Variants in ATP8B4 observed in about 807,000 individuals in gnomAD.
ATP8B4 encodes the protein probable phospholipid-transporting ATPase IM.
In ATP8B4, 133 loss-of-function variants were observed where a neutral mutation model predicts 145.6. That is an observed-to-expected ratio of 0.91 (90% confidence interval 0.79 to 1.05). The LOEUF (loss-of-function observed/expected upper bound fraction) is 1.05. ATP8B4 is among the 50% of genes least tolerant of loss of function. ATP8B4 has a pLI of 0.00. For missense variants in ATP8B4, 1,458 were observed against 1,425.2 expected (o/e 1.02, Z -0.37); for synonymous variants, 507 against 492.9 (o/e 1.03, Z -0.38).
intron 1 of ATP8B4, among the ~76,000 whole-genome samples, chr15:50,170,652 A>T (rs2044658296): frequency 6.6e-6 from 1 of 152,140 alleles, no homozygotes; most frequent in Non-Finnish European, 1.5e-5. Flanking sequence ...AAAACAAAAA[A>T]AAACAAAGTA....
At chr15:49,940,183 G>A (rs1222614703) in intron 14 of ATP8B4, among the ~76,000 whole-genome samples, 1 of 152,032 alleles carries the variant, frequency 6.6e-6, no homozygotes, top group Non-Finnish European at 1.5e-5. Flanking sequence ...AAGAAAATGT[G>A]GTACATACAC....
chr15:50,106,792 T>C (rs890314419), intron 2 of ATP8B4, 147 bp downstream of exon 2: 1 of 670,540 alleles, frequency 1.5e-6, no homozygotes. Context: ...CCCTTTGTAG[T>C]TACATGGGTG....
intron 16 of ATP8B4, among the ~76,000 whole-genome samples, chr15:49,927,470 T>C (rs2040833087): frequency 6.6e-6 from 1 of 152,098 alleles, no homozygotes; most frequent in Non-Finnish European, 1.5e-5. Flanking sequence ...TTTTCTGCCC[T>C]GGTAGAGTCC....
intron 8 of ATP8B4, among the ~76,000 whole-genome samples, chr15:49,997,438 C>G (rs1402775653): frequency 5.9e-5 from 9 of 152,116 alleles, no homozygotes; most frequent in Admixed American, 5.9e-4. Flanking sequence ...AGTTTTCTCA[C>G]TGAATTCAGC....
chr15:49,868,397 A>T (rs1194169340), intron 25 of ATP8B4, among the ~76,000 whole-genome samples: 1 of 152,244 alleles, frequency 6.6e-6, no homozygotes, highest in Admixed American at 6.5e-5. Flanking sequence ...AAAGTATAAC[A>T]TCTCAATATC....
At position 50,074,131 on chromosome 15, in the gene ATP8B4, T is replaced by C. The variant is rs754011721; in HGVS notation, c.83A>G (p.Tyr28Cys). The C allele has an allele frequency of 1.9e-6, 3 of 1,612,558 alleles. No individual in the cohort carries two copies. Among genetic ancestry groups the C allele is most frequent in the Admixed American group, 1.7e-5 (1 of 59,906 alleles). Residue 28 changes from tyrosine to cysteine, a missense_variant, in exon 3 of 28, where the codon TAT becomes TGT. Tyr to Cys is a radical substitution (Grantham distance 194). Transcript: ENST00000284509. ...TGTTATGTGTGTTTCACTTACCGCA[T>C]ACTGGAACTTTTCATTATATTCACG... ...NDREYNEKFQ[Y>C]ADNRIHTSKY... is the part of the protein sequence containing the mutation.
intron 12 of ATP8B4, among the ~76,000 whole-genome samples, chr15:49,973,935 G>A (rs1006871690): frequency 6.6e-6 from 1 of 151,824 alleles, no homozygotes; most frequent in East Asian, 1.9e-4. Flanking sequence ...ATTTCTTCTT[G>A]GAACTATCTA....
chr15:50,034,504 T>TG (rs569562907), intron 6 of ATP8B4, among the ~76,000 whole-genome samples: 38 of 152,280 alleles, frequency 2.5e-4, no homozygotes, highest in African/African-American at 9.1e-4. Flanking sequence ...GCTGGGTTTA[T>TG]GGGCATGAGC....
intron 5 of ATP8B4, among the ~76,000 whole-genome samples, chr15:50,040,670 G>A (rs916876423): frequency 3.3e-5 from 5 of 152,172 alleles, no homozygotes; most frequent in African/African-American, 9.6e-5. Flanking sequence ...CCCAAAAGCT[G>A]AGCAGCTCAC....
chr15:49,875,162 A>G (rs2034216183), intron 25 of ATP8B4, among the ~76,000 whole-genome samples: 2 of 152,224 alleles, frequency 1.3e-5, no homozygotes, highest in East Asian at 1.9e-4. Flanking sequence ...CACACCTACA[A>G]TGACTCTTCC....
chr15:49,940,027 G>C (rs2042039661), intron 14 of ATP8B4, among the ~76,000 whole-genome samples: 1 of 152,076 alleles, frequency 6.6e-6, no homozygotes, highest in South Asian at 2.1e-4. Context: ...TACCATTTAA[G>C]CCAACAGCCC....
chr15:49,894,654 C>G (rs946291690), intron 23 of ATP8B4, among the ~76,000 whole-genome samples: 1 of 152,126 alleles, frequency 6.6e-6, no homozygotes, highest in Non-Finnish European at 1.5e-5. Context: ...GTTCCATAAC[C>G]GCATTTAGAT....
chr15:49,965,969 G>T (rs4372634), intron 13 of ATP8B4, among the ~76,000 whole-genome samples: 9,895 of 152,168 alleles, frequency 0.065, 468 homozygotes, highest in East Asian at 0.17. Flanking sequence ...CCCATGAAGG[G>T]CAAGCAGAAA....
At chr15:49,991,327 G>T (rs2047029720) in intron 9 of ATP8B4, among the ~76,000 whole-genome samples, 1 of 152,164 alleles carries the variant, frequency 6.6e-6, no homozygotes, top group Non-Finnish European at 1.5e-5. Context: ...AGCATTAACA[G>T]TCATACAAAA....
At chr15:49,883,429 A>C (rs1700239043) in intron 23 of ATP8B4, 1 of 152,198 alleles carries the variant, frequency 6.6e-6, no homozygotes, top group African/African-American at 2.4e-5. Context: ...AAATCAGAGT[A>C]AGGTTTCAAT....
intron 1 of ATP8B4, among the ~76,000 whole-genome samples, chr15:50,166,301 C>T (rs1479838299): frequency 1.3e-5 from 2 of 152,180 alleles, no homozygotes; most frequent in African/African-American, 4.8e-5. Context: ...AGGAAAATGT[C>T]ATCAGACAAA....
chr15:50,138,945 G>C (rs1056306129), intron 1 of ATP8B4, among the ~76,000 whole-genome samples: 1 of 152,184 alleles, frequency 6.6e-6, no homozygotes, highest in African/African-American at 2.4e-5. Flanking sequence ...CTGTTCTCAT[G>C]CTGGCAAGGC....
intron 14 of ATP8B4, among the ~76,000 whole-genome samples, chr15:49,938,885 A>G (rs1367236803): frequency 6.6e-6 from 1 of 152,172 alleles, no homozygotes; most frequent in East Asian, 1.9e-4. Flanking sequence ...AAAGTCAAAA[A>G]AATCAAAATT....
intron 1 of ATP8B4, among the ~76,000 whole-genome samples, chr15:50,136,702 G>C (rs1237973775): frequency 1.3e-5 from 2 of 152,140 alleles, no homozygotes; most frequent in Non-Finnish European, 2.9e-5. Context: ...TGTCTTAAGA[G>C]GCCACACTGC....
Sources: allele counts gnomAD v4.1 joint callset (sites outside exome capture counted in the v4.1 genomes callset), GRCh38; gene constraint gnomAD v4.1.1; transcripts MANE v1.5; gene names NCBI Gene and HGNC (gene_info 2026-07-23, HGNC 2026-07-21).